TCF4: variants seen among roughly 807,000 people sequenced by gnomAD.
The protein encoded by TCF4 is transcription factor 4.
TCF4 carries 3 observed loss-of-function variants against 82.1 expected under a neutral mutation model. The observed-to-expected ratio is 0.04, with a 90% CI of 0.02 to 0.09. The LOEUF (loss-of-function observed/expected upper bound fraction) is 0.09. Among genes scored for constraint, TCF4 ranks in the 10% least tolerant of loss-of-function variants. TCF4 has a pLI of 1.00. For missense variants in TCF4, 518 were observed against 852.7 expected (o/e 0.61, Z 4.89); for synonymous variants, 276 against 309.6 (o/e 0.89, Z 1.14).
intron 6 of TCF4, among the ~76,000 whole-genome samples, chr18:55,365,997 TATAGATATAGATATAG>T (rs896045020): frequency 2.8e-5 from 4 of 141,598 alleles, no homozygotes; most frequent in African/African-American, 1.2e-4. Flanking sequence ...TAGATATAGA[TATAGATATAGATATAG>T]ATATAGATAT....
intron 2 of TCF4, among the ~76,000 whole-genome samples, chr18:55,611,313 T>TA (rs1030712692): frequency 6.6e-6 from 1 of 152,156 alleles, no homozygotes; most frequent in Non-Finnish European, 1.5e-5. Context: ...TGGTTTGACT[T>TA]ACAAAACTGA....
chr18:55,241,733 T>C (rs762542385), intron 15 of TCF4, among the ~76,000 whole-genome samples: 8 of 152,254 alleles, frequency 5.3e-5, no homozygotes, highest in Non-Finnish European at 1.2e-4. Flanking sequence ...GTAATATATT[T>C]GAAAAGAGAG....
intron 5 of TCF4, among the ~76,000 whole-genome samples, chr18:55,420,262 C>A (rs7243531): frequency 0.06 from 9,144 of 152,150 alleles, 930 homozygotes; most frequent in African/African-American, 0.21. Context: ...TCATCTTTAT[C>A]ATCAGCTCAA....
chr18:55,460,146 A>G (rs891757671), intron 5 of TCF4, among the ~76,000 whole-genome samples: 2 of 152,168 alleles, frequency 1.3e-5, no homozygotes, highest in Non-Finnish European at 2.9e-5. Flanking sequence ...GTTGTCCAAC[A>G]GATTGTACCA....
At chr18:55,573,236 A>G (rs2097492816) in intron 3 of TCF4, among the ~76,000 whole-genome samples, 1 of 151,670 alleles carries the variant, frequency 6.6e-6, no homozygotes, top group African/African-American at 2.4e-5. Context: ...TCTCATAATT[A>G]CTGTCGGAAT....
intron 17 of TCF4, chr18:55,230,148 C>CAAAAAAAAAAAAAAAAAAA (rs398041379): frequency 9.7e-6 from 1 of 103,282 alleles, no homozygotes; most frequent in Non-Finnish European, 1.8e-5. Flanking sequence ...CTGTCTCTTA[C>CAAAAAAAAAAAAAAAAAAA]AAAAAAAAAA....
chr18:55,629,384 A>T (rs2097729513), intron 2 of TCF4, among the ~76,000 whole-genome samples: 1 of 152,296 alleles, frequency 6.6e-6, no homozygotes, highest in East Asian at 1.9e-4. Flanking sequence ...AGTTAACTAA[A>T]TTTAGGGAGG....
chr18:55,307,821 G>A (rs764507226), intron 8 of TCF4, among the ~76,000 whole-genome samples: 6 of 152,150 alleles, frequency 3.9e-5, no homozygotes, highest in Non-Finnish European at 8.8e-5. Flanking sequence ...GTCACCATAG[G>A]CTTCCAGTGC....
chr18:55,550,471 C>G (rs896479729), intron 3 of TCF4: 3 of 152,132 alleles, frequency 2.0e-5, no homozygotes, highest in Non-Finnish European at 2.9e-5. Context: ...CATGGACTCC[C>G]TAACGGTGAG....
At chr18:55,338,037 T>C (rs1198355843) in intron 8 of TCF4, among the ~76,000 whole-genome samples, 10 of 152,096 alleles carry the variant, frequency 6.6e-5, no homozygotes, top group African/African-American at 2.2e-4. Context: ...ACCATCAGTC[T>C]CGCTGCTGCC....
intron 5 of TCF4, 35 bp from the exon 6 acceptor site, chr18:55,403,553 G>GT: frequency 6.2e-7 from 1 of 1,613,566 alleles, no homozygotes; most frequent in Non-Finnish European, 8.5e-7. Context: ...TGTAAATTGT[G>GT]TTTTTCCTTA....
chr18:55,584,010 G>C (rs1262156319), intron 3 of TCF4, among the ~76,000 whole-genome samples: 1 of 151,990 alleles, frequency 6.6e-6, no homozygotes, highest in African/African-American at 2.4e-5. Context: ...TTTAATCAAT[G>C]TGCACCAGAA....
chr18:55,255,661 T>C (rs1030498719), intron 14 of TCF4, among the ~76,000 whole-genome samples: 2 of 152,124 alleles, frequency 1.3e-5, no homozygotes, highest in Non-Finnish European at 2.9e-5. Flanking sequence ...GTTTCACGTG[T>C]GTATGGGCAG....
At chr18:55,494,046 A>G (rs1166679202) in intron 3 of TCF4, among the ~76,000 whole-genome samples, 1 of 152,032 alleles carries the variant, frequency 6.6e-6, no homozygotes, top group Non-Finnish European at 1.5e-5. Flanking sequence ...ATTACTTTGC[A>G]TATACTCCCC....
chr18:55,258,914 A>C (rs574001194), intron 13 of TCF4, among the ~76,000 whole-genome samples: 1 of 152,274 alleles, frequency 6.6e-6, no homozygotes, highest in Non-Finnish European at 1.5e-5. Context: ...ATCGCTTCCC[A>C]GTTTCAACGC....
chr18:55,593,468 C>A (rs1165471413), upstream of TCF4, among the ~76,000 whole-genome samples: 2 of 152,078 alleles, frequency 1.3e-5, no homozygotes, highest in Admixed American at 1.3e-4. Context: ...CCATATTTGC[C>A]ACTGGATTCA....
chr18:55,245,669 T>C (rs2145142130), intron 15 of TCF4, among the ~76,000 whole-genome samples: 1 of 152,334 alleles, frequency 6.6e-6, no homozygotes, highest in East Asian at 1.9e-4. Context: ...TTAAATCATG[T>C]TTATTATATG....
At chr18:55,304,389 A>G (rs895331372) in intron 8 of TCF4, among the ~76,000 whole-genome samples, 3 of 152,250 alleles carry the variant, frequency 2.0e-5, no homozygotes, top group Non-Finnish European at 4.4e-5. Context: ...GCAGTTTGTC[A>G]GAAGCATTTA....
intron 15 of TCF4, among the ~76,000 whole-genome samples, chr18:55,241,194 C>G (rs2144947454): frequency 6.6e-6 from 1 of 152,304 alleles, no homozygotes; most frequent in East Asian, 1.9e-4. Flanking sequence ...GTGAGCCGAC[C>G]TCAGTTCATC....
Sources: gnomAD v4.1 joint callset for allele counts (sites outside exome capture counted in the v4.1 genomes callset) on GRCh38, gnomAD v4.1.1 for gene constraint, MANE v1.5 for transcripts, NCBI Gene and HGNC (gene_info 2026-07-23, HGNC 2026-07-21) for gene names.